Variants in ADGRB3 observed in about 807,000 individuals in gnomAD.
ADGRB3 encodes the protein brain-specific angiogenesis inhibitor 3.
ADGRB3 carries 37 observed loss-of-function variants against 193.4 expected under a neutral mutation model. The observed-to-expected ratio is 0.19, with a 90% CI of 0.15 to 0.25. The LOEUF is 0.25. Ranked by LOEUF, ADGRB3 falls within the 10% of genes least tolerant of loss-of-function variation. The probability of loss-of-function intolerance (pLI) is 1.00; values close to 1 mark genes in which losing one functional copy is unlikely to be tolerated. For synonymous variants in ADGRB3, 690 were observed against 644.2 expected (o/e 1.07, Z -1.08); for missense variants, 1,637 against 1,852.9 (o/e 0.88, Z 2.14).
intron 20 of ADGRB3, among the ~76,000 whole-genome samples, chr6:69,287,676 A>G (rs985785034): frequency 6.6e-6 from 1 of 152,220 alleles, no homozygotes; most frequent in African/African-American, 2.4e-5. Context: ...ATTTAAACCC[A>G]GGTGCCTGGG....
At chr6:68,696,953 C>G (rs1277062340) in intron 3 of ADGRB3, among the ~76,000 whole-genome samples, 1 of 151,926 alleles carries the variant, frequency 6.6e-6, no homozygotes, top group African/African-American at 2.4e-5. Context: ...ACTTCTTACT[C>G]TTAGAGAATT....
chr6:68,955,528 G>A (rs776186580), intron 6 of ADGRB3, among the ~76,000 whole-genome samples: 24 of 152,284 alleles, frequency 1.6e-4, no homozygotes, highest in African/African-American at 5.8e-4. Flanking sequence ...AGTGGCTCAC[G>A]CCTGTAATCC....
Position 68,635,577 on chromosome 6 carries a change from C to T in ADGRB3, c.-611C>T. 1 of 154,832 alleles carries T rather than the reference C, an allele frequency of 6.5e-6. No homozygotes were observed. Among genetic ancestry groups the T allele is most frequent in the Non-Finnish European group, 1.4e-5 (1 of 70,170 alleles). The allele number at this position is 154,832 out of a possible 1,614,324, so 9.6% of individuals were successfully genotyped here. A position where few individuals can be genotyped will look rare whatever the true frequency, so the allele number is the denominator to read the frequency against. On this transcript the variant is annotated 5_prime_UTR_variant, in exon 1 of 32. Coordinates refer to ENST00000370598, the MANE Select transcript of ADGRB3 (RefSeq NM_001704.3). The stretch of plus-strand genomic sequence containing the variant: ...TAGCAGCCGCCGCCGCCGCCGGTCA[C>T]TTCTCGTCTCAGCGCTTTCTTTGCT...
chr6:68,744,594 G>A (rs1190243782), intron 3 of ADGRB3, among the ~76,000 whole-genome samples: 1 of 152,072 alleles, frequency 6.6e-6, no homozygotes, highest in Admixed American at 6.6e-5. Flanking sequence ...GCAGAGACAT[G>A]GATGAAGCTG....
At chr6:69,240,819 A>G (rs1766368190) in intron 20 of ADGRB3, among the ~76,000 whole-genome samples, 1 of 151,958 alleles carries the variant, frequency 6.6e-6, no homozygotes, top group Non-Finnish European at 1.5e-5. Flanking sequence ...TACACTGGTT[A>G]ATACCTATTC....
At chr6:69,115,961 T>G (rs1440107500) in intron 17 of ADGRB3, among the ~76,000 whole-genome samples, 1 of 152,204 alleles carries the variant, frequency 6.6e-6, no homozygotes, top group East Asian at 1.9e-4. Context: ...AGGAATTGGT[T>G]TGCACAATTA....
intron 3 of ADGRB3, among the ~76,000 whole-genome samples, chr6:68,728,714 A>C (rs1765719036): frequency 6.6e-6 from 1 of 151,572 alleles, no homozygotes; most frequent in Admixed American, 6.6e-5. Flanking sequence ...TTGCAGATGA[A>C]GAAATCAATA....
chr6:68,827,927 A>C (rs1189476256), intron 3 of ADGRB3, among the ~76,000 whole-genome samples: 1 of 152,140 alleles, frequency 6.6e-6, no homozygotes, highest in African/African-American at 2.4e-5. Flanking sequence ...GGTTTCCTTC[A>C]GGCCTTCATA....
chr6:69,250,352 C>T (rs1766594511), intron 20 of ADGRB3, among the ~76,000 whole-genome samples: 1 of 151,262 alleles, frequency 6.6e-6, no homozygotes. Context: ...GAAATAAGAC[C>T]ACCTATTTCT....
chr6:68,875,152 CCTTCCTTCCTTCCTTCCTTCCTTCCTT>C (rs1765561158), intron 3 of ADGRB3, among the ~76,000 whole-genome samples: 2 of 29,758 alleles, frequency 6.7e-5, no homozygotes, highest in African/African-American at 2.9e-4. Context: ...ATTTCTTTCT[CCTTCCTTCCTTCCTTCCTTCCTTCCTT>C]CCTTCCTTCC....
At chr6:68,740,732 A>T (rs1309018139) in intron 3 of ADGRB3, among the ~76,000 whole-genome samples, 1 of 152,162 alleles carries the variant, frequency 6.6e-6, no homozygotes, top group East Asian at 1.9e-4. Flanking sequence ...CATAATATTT[A>T]TTTATCCATT....
rs539894275 is a variant in ADGRB3 at position 68,864,950 on chromosome 6, G to T, written c.758-65609G>T. Among the ~76,000 whole-genome samples the T allele has an allele frequency of 2.6e-5, 4 of 152,246 alleles. No individual in the cohort carries two copies. In the South Asian group the frequency reaches 6.2e-4, roughly 24 times the overall value. ...GTCTTCTAAGGTTTACACTCCACCTGAAAGACTATACTATATCTCTTAAAT... is the reference window on the plus strand; with the variant it reads ...GTCTTCTAAGGTTTACACTCCACCTTAAAGACTATACTATATCTCTTAAAT... On this transcript the variant is annotated intron_variant, in intron 3 of 31. Coordinates refer to ENST00000370598, the MANE Select transcript of ADGRB3 (RefSeq NM_001704.3).
intron 16 of ADGRB3, among the ~76,000 whole-genome samples, chr6:69,071,863 G>A (rs939263823): frequency 1.3e-5 from 2 of 152,000 alleles, no homozygotes; most frequent in Non-Finnish European, 2.9e-5. Flanking sequence ...CTCTCACCGT[G>A]TCATTACATT....
intron 3 of ADGRB3, among the ~76,000 whole-genome samples, chr6:68,911,937 A>C (rs1766724832): frequency 6.7e-6 from 1 of 149,774 alleles, no homozygotes; most frequent in Non-Finnish European, 1.5e-5. Flanking sequence ...AGGTCAATCT[A>C]GTGTTTAAGG....
chr6:68,883,691 A>G lies in ADGRB3; in HGVS notation c.758-46868A>G, dbSNP rs141753491. ...CTTCACTCCTGAAGCCAGCGAGACC[A>G]CGAACCCACCAGAAGGAAGAAACTC... On this transcript the variant is annotated intron_variant, in intron 3 of 31. Transcript: ENST00000370598. 4.7e-3 allele frequency among the ~76,000 whole-genome samples: 718 copies of G among 152,320 alleles called. 4 individuals carry two copies. Among genetic ancestry groups the G allele is most frequent in the African/African-American group, 0.016 (673 of 41,574 alleles).
chr6:69,230,425 T>C (rs920609757), intron 17 of ADGRB3, among the ~76,000 whole-genome samples: 1 of 152,194 alleles, frequency 6.6e-6, no homozygotes, highest in Non-Finnish European at 1.5e-5. Flanking sequence ...ATGGAGAAGT[T>C]GTTTTGCTTC....
intron 20 of ADGRB3, among the ~76,000 whole-genome samples, chr6:69,250,736 A>G (rs943551516): frequency 2.0e-5 from 3 of 152,210 alleles, no homozygotes; most frequent in African/African-American, 7.2e-5. Context: ...GAAGTACTTT[A>G]AGCTCAACCA....
At chr6:69,314,559 G>C (rs1202484262) in intron 20 of ADGRB3, among the ~76,000 whole-genome samples, 1 of 151,606 alleles carries the variant, frequency 6.6e-6, no homozygotes, top group Admixed American at 6.6e-5. Flanking sequence ...TCATAACCTT[G>C]TGCCATACCT....
intron 3 of ADGRB3, among the ~76,000 whole-genome samples, chr6:68,811,185 A>C (rs780715947): frequency 2.0e-5 from 3 of 152,068 alleles, no homozygotes; most frequent in Non-Finnish European, 4.4e-5. Flanking sequence ...CTACCTTGAT[A>C]TTGACTTAAT....
Sources: gnomAD v4.1 joint callset for allele counts (sites outside exome capture counted in the v4.1 genomes callset) on GRCh38, gnomAD v4.1.1 for gene constraint, MANE v1.5 for transcripts, NCBI Gene and HGNC (gene_info 2026-07-23, HGNC 2026-07-21) for gene names.